CCDC175: variants seen among roughly 807,000 people sequenced by gnomAD.
CCDC175 encodes the protein coiled-coil domain-containing protein 175.
Under a neutral mutation model 114.6 loss-of-function variants are expected in CCDC175, and 100 were observed. The ratio of observed to expected loss-of-function variants is 0.87; its 90% CI spans 0.74 to 1.03. The LOEUF (loss-of-function observed/expected upper bound fraction) is 1.03, where lower values mean the gene tolerates loss of function less well. CCDC175 is among the 50% of genes least tolerant of loss of function. The probability of loss-of-function intolerance (pLI) is 0.00; values close to 1 mark genes in which losing one functional copy is unlikely to be tolerated. For missense variants in CCDC175, 880 were observed against 917.8 expected (o/e 0.96, Z 0.53); for synonymous variants, 306 against 308.7 (o/e 0.99, Z 0.09).
chr14:59,558,790 A>G (rs184515020), intron 7 of CCDC175, among the ~76,000 whole-genome samples: 1 of 152,176 alleles, frequency 6.6e-6, no homozygotes, highest in East Asian at 1.9e-4. Context: ...TGAGGTAAAG[A>G]AAGTATTTAA....
At chr14:59,532,855 C>A (rs1175079816) in intron 13 of CCDC175, among the ~76,000 whole-genome samples, 1 of 152,196 alleles carries the variant, frequency 6.6e-6, no homozygotes, top group African/African-American at 2.4e-5. Context: ...GCTGTAATGA[C>A]CCCTTTGAGC....
At chr14:59,513,685 G>C (rs1003264533) in intron 17 of CCDC175, among the ~76,000 whole-genome samples, 10 of 152,194 alleles carry the variant, frequency 6.6e-5, no homozygotes, top group African/African-American at 2.4e-4. Flanking sequence ...AAACTGGGTA[G>C]AGCCCACCGC....
chr14:59,553,777 A>T (rs898913300), intron 7 of CCDC175, among the ~76,000 whole-genome samples: 1 of 152,222 alleles, frequency 6.6e-6, no homozygotes, highest in African/African-American at 2.4e-5. Flanking sequence ...AGATCTACCA[A>T]GCAAATGGAA....
chr14:59,518,808 C>G (rs1340506732), intron 17 of CCDC175, among the ~76,000 whole-genome samples: 2 of 152,036 alleles, frequency 1.3e-5, no homozygotes, highest in Non-Finnish European at 2.9e-5. Flanking sequence ...CCCAGCCATC[C>G]CATTACTGGG....
chr14:59,539,032 T>G (rs531205489), intron 11 of CCDC175, among the ~76,000 whole-genome samples, 192 bp from the exon 12 acceptor site: 1 of 152,278 alleles, frequency 6.6e-6, no homozygotes, highest in South Asian at 2.1e-4. Flanking sequence ...CTCTGCAAGT[T>G]GCTTCAGAGT....
intron 17 of CCDC175, among the ~76,000 whole-genome samples, chr14:59,517,847 G>C (rs1315355009): frequency 6.6e-6 from 1 of 152,082 alleles, no homozygotes; most frequent in African/African-American, 2.4e-5. Context: ...AACCAAAAAA[G>C]AGCCCGCATC....
intron 3 of CCDC175, among the ~76,000 whole-genome samples, chr14:59,569,521 T>A (rs974166699): frequency 1.3e-5 from 2 of 152,224 alleles, no homozygotes; most frequent in African/African-American, 4.8e-5. Context: ...TAAGCTATTA[T>A]GGTATTTTCC....
chr14:59,548,424 AAAT>A (rs948657796), intron 8 of CCDC175, among the ~76,000 whole-genome samples: 1 of 152,178 alleles, frequency 6.6e-6, no homozygotes, highest in Non-Finnish European at 1.5e-5. Flanking sequence ...ACCCTAGTGA[AAAT>A]AATAAATAAG....
chr14:59,510,320 T>A (rs1892669343), intron 19 of CCDC175: 1 of 233,956 alleles, frequency 4.3e-6, no homozygotes, highest in Non-Finnish European at 8.5e-6. Context: ...TGTAAAATTA[T>A]ATTCAACTTC....
intron 5 of CCDC175, 51 bp from the exon 6 acceptor site, chr14:59,563,910 A>C: frequency 8.2e-7 from 1 of 1,217,380 alleles, no homozygotes; most frequent in East Asian, 3.1e-5. Context: ...TAGCACAACA[A>C]AGTTTAAAAA....
Position 59,545,282 on chromosome 14 carries a change from A to G in CCDC175, c.1053T>C (p.His351=), listed in dbSNP as rs983298167. 117 of 1,536,774 alleles carry G rather than the reference A, an allele frequency of 7.6e-5. 1 individual carries two copies. The highest frequency in any genetic ancestry group is 9.4e-5 in the Non-Finnish European group (108 of 1,146,752). The change falls in exon 9 of 20, where the codon CAT becomes CAC. Residue 351 remains histidine (H), a synonymous_variant. Transcript: ENST00000537690. ...GGTCTTTGTATTCCATACGAGCAGC[A>G]TGCAGTGTTTCAACCAGCTAGAGAA... ...NKIKQLVETL[H]AARMEYKDLR...
Position 59,527,159 on chromosome 14 carries a change from T to C in CCDC175, c.1778A>G (p.Glu593Gly). ...SNIITAQRQEEDLLNNHIFLF... is the reference protein window; with the variant it reads ...SNIITAQRQEGDLLNNHIFLF... Reference sequence around the variant, plus strand: ...AAAAATGTGATTGTTCAGTAAATCTTCCTCCTGTCTTTGTGCTATTAAAAC... The same window carrying C: ...AAAAATGTGATTGTTCAGTAAATCTCCCTCCTGTCTTTGTGCTATTAAAAC... Residue 593 changes from glutamate (E) to glycine (G), a missense_variant, in exon 15 of 20, where the codon GAA becomes GGA. Transcript: ENST00000537690. 1 of 1,495,836 alleles carries C rather than the reference T, an allele frequency of 6.7e-7. No homozygotes were observed. The highest frequency in any genetic ancestry group is 1.3e-5 in the South Asian group (1 of 76,406). The allele number at this position is 1,495,836 out of a possible 1,614,324, so 92.7% of individuals were successfully genotyped here. A position where few individuals can be genotyped will look rare whatever the true frequency, so the allele number is the denominator to read the frequency against.
intron 8 of CCDC175, among the ~76,000 whole-genome samples, chr14:59,545,545 T>C (rs1041882267): frequency 3.9e-5 from 6 of 152,204 alleles, no homozygotes; most frequent in Non-Finnish European, 7.3e-5. Flanking sequence ...TAATAATCCA[T>C]ATTGAAATGC....
At chr14:59,510,453 G>A (rs1221911172) in intron 19 of CCDC175, 193 bp downstream of exon 19, 4 of 536,612 alleles carry the variant, frequency 7.5e-6, no homozygotes, top group Non-Finnish European at 1.3e-5. Context: ...TCTCTTAGGT[G>A]AAAGGCAGAA....
chr14:59,545,752 T>A (rs184419299), intron 8 of CCDC175, among the ~76,000 whole-genome samples: 4 of 152,284 alleles, frequency 2.6e-5, no homozygotes, highest in Admixed American at 2.6e-4. Flanking sequence ...GAGATCAGAA[T>A]TTTTTGCTTA....
chr14:59,542,945 A>G (rs956256948), intron 10 of CCDC175, among the ~76,000 whole-genome samples: 5 of 152,292 alleles, frequency 3.3e-5, no homozygotes, highest in African/African-American at 1.2e-4. Flanking sequence ...TTTTAGGGTA[A>G]CTTTTATTCT....
At chr14:59,535,465 T>C (rs1894339314) in intron 13 of CCDC175, among the ~76,000 whole-genome samples, 2 of 152,212 alleles carry the variant, frequency 1.3e-5, no homozygotes. Context: ...TTGCCCTCAT[T>C]GTTTTACCAG....
chr14:59,550,477 C>T (rs1245736268), intron 8 of CCDC175, among the ~76,000 whole-genome samples: 1 of 151,962 alleles, frequency 6.6e-6, no homozygotes, highest in Non-Finnish European at 1.5e-5. Context: ...GACTCAAATA[C>T]TTCTAAATAA....
chr14:59,516,908 C>T (rs4901935), intron 17 of CCDC175, among the ~76,000 whole-genome samples: 14 of 151,446 alleles, frequency 9.2e-5, no homozygotes, highest in Non-Finnish European at 1.2e-4. Flanking sequence ...AACATTGATG[C>T]AAAAATCCTC....
Sources: allele counts gnomAD v4.1 joint callset (sites outside exome capture counted in the v4.1 genomes callset), GRCh38; gene constraint gnomAD v4.1.1; transcripts MANE v1.5; gene names NCBI Gene and HGNC (gene_info 2026-07-23, HGNC 2026-07-21).